The following KIRREL3 variants were observed in gnomAD, a reference collection of about 807,000 sequenced individuals.
The protein encoded by KIRREL3 is kin of IRRE-like protein 3.
A neutral mutation model predicts 89.7 loss-of-function variants in KIRREL3; 36 were observed. The observed-to-expected ratio is 0.40, with a 90% CI of 0.31 to 0.53. KIRREL3 has a LOEUF of 0.53. KIRREL3 is among the 20% of genes least tolerant of loss of function. KIRREL3 has a pLI of 0.49. For missense variants in KIRREL3, 864 were observed against 1,056.6 expected, an observed-to-expected ratio of 0.82 and a Z score of 2.53; for synonymous variants, 445 against 441.4, an observed-to-expected ratio of 1.01 and a Z score of -0.10.
chr11:126,591,266 G>A (rs937593087), intron 1 of KIRREL3, among the ~76,000 whole-genome samples: 8 of 152,158 alleles, frequency 5.3e-5, no homozygotes, highest in Non-Finnish European at 1.2e-4. Context: ...TTCAAATGCT[G>A]TATTAAGATG....
At chr11:126,829,138 C>A (rs146655151) in intron 1 of KIRREL3, among the ~76,000 whole-genome samples, 1 of 152,112 alleles carries the variant, frequency 6.6e-6, no homozygotes, top group Admixed American at 6.5e-5. Context: ...ATGGTGCTGG[C>A]GAAGGCTCCA....
rs530391569 is a variant in KIRREL3, at chr11:126,974,983, G to A, written c.55+25472C>T. Among the ~76,000 whole-genome samples the A allele has an allele frequency of 2.0e-4, 30 of 152,204 alleles. 1 individual carries two copies. In the South Asian group the frequency reaches 6.0e-3, roughly 31 times the overall value. On this transcript the variant is annotated intron_variant, in intron 1 of 16. Coordinates refer to ENST00000525144, the MANE Select transcript of KIRREL3 (RefSeq NM_032531.4). ...GGCTGGAGTGCAGTGGCTAATTTTT[G>A]TATTTTTTGTAGAGGTGGGGTTTCA...
chr11:126,451,021 C>A (rs761100998), intron 7 of KIRREL3, among the ~76,000 whole-genome samples: 66 of 122,474 alleles, frequency 5.4e-4, no homozygotes, highest in African/African-American at 2.0e-3. Context: ...GTGCATGTGT[C>A]CATGTGCATG....
Position 126,857,323 on chromosome 11 carries a change from C to T in KIRREL3, c.55+143132G>A, listed in dbSNP as rs180784424. ...CTTGGGCCAGCCCAGGTGCTTCACC[C>T]TCCTGCCTGCCCCAACTTGCAGAGA... On this transcript the variant is annotated intron_variant, in intron 1 of 16. Transcript: ENST00000525144. Among the ~76,000 whole-genome samples, 146 of 152,374 alleles carry T rather than the reference C, an allele frequency of 9.6e-4. 2 individuals are homozygous for T. The highest frequency in any genetic ancestry group is 3.2e-3 in the African/African-American group (134 of 41,584).
chr11:126,596,761 G>A (rs962966128), intron 1 of KIRREL3, among the ~76,000 whole-genome samples: 2 of 152,192 alleles, frequency 1.3e-5, no homozygotes, highest in Non-Finnish European at 2.9e-5. Flanking sequence ...TCTTCTTCCA[G>A]GAAGGGGGAA....
In KIRREL3 at chr11:127,000,612, C is replaced by A. The variant is rs370890250; in HGVS notation, c.-103G>T. ...CAGCCTCCGCCGGTCCTCTCGGGTT[C>A]GCGCCTACCATCTGTCCGTCCGTGG... On this transcript the variant is annotated 5_prime_UTR_variant, in exon 1 of 17. Coordinates refer to ENST00000525144, the MANE Select transcript of KIRREL3 (RefSeq NM_032531.4). This position sits in a 1 kb window ranked among gnomAD's most constrained non-coding sequence, Gnocchi z 7.1. The A allele has an allele frequency of 8.1e-7, 1 of 1,233,592 alleles. No individual in the cohort carries two copies. The highest frequency in any genetic ancestry group is 2.1e-4 in the Middle Eastern group (1 of 4,800). The allele number at this position is 1,233,592 out of a possible 1,614,324, so 76.4% of individuals were successfully genotyped here.
At chr11:126,665,403 T>C (rs542193569) in intron 1 of KIRREL3, among the ~76,000 whole-genome samples, 18 of 152,130 alleles carry the variant, frequency 1.2e-4, no homozygotes, top group Non-Finnish European at 1.6e-4. Context: ...GAACATGCTG[T>C]CATGGTCTGA....
At chr11:126,854,761 A>G (rs950638619) in intron 1 of KIRREL3, among the ~76,000 whole-genome samples, 4 of 152,146 alleles carry the variant, frequency 2.6e-5, no homozygotes, top group African/African-American at 4.8e-5. Context: ...TCTGGTTCAT[A>G]TGGTAATTCT....
At chr11:126,786,003 A>G (rs1950477267) in intron 1 of KIRREL3, among the ~76,000 whole-genome samples, 1 of 150,894 alleles carries the variant, frequency 6.6e-6, no homozygotes, top group Non-Finnish European at 1.5e-5. Flanking sequence ...GCAGTAAGTG[A>G]TGTCACTTTT....
At chr11:126,572,572 A>ACCC (rs56397539) in intron 1 of KIRREL3, among the ~76,000 whole-genome samples, 7 of 139,842 alleles carry the variant, frequency 5.0e-5, no homozygotes, top group African/African-American at 1.9e-4. Context: ...GGAAGAGGGG[A>ACCC]CCCCCCCCCC....
chr11:126,857,722 C>T (rs547166280), intron 1 of KIRREL3, among the ~76,000 whole-genome samples: 2 of 142,828 alleles, frequency 1.4e-5, no homozygotes, highest in Admixed American at 1.5e-4. Flanking sequence ...ATCACAGACC[C>T]TTCCTTGCCT....
rs191007555 is a variant in KIRREL3 at position 126,489,391 on chromosome 11, G to A, written c.434-15925C>T. 2.0e-5 allele frequency among the ~76,000 whole-genome samples: 3 copies of A among 152,314 alleles called. No homozygotes were observed. The East Asian group carries it at 5.8e-4, about 29-fold the overall frequency. On this transcript the variant is annotated intron_variant, in intron 4 of 16. Coordinates refer to ENST00000525144, the MANE Select transcript of KIRREL3 (RefSeq NM_032531.4). The surrounding 1 kb of genome is among the most constrained non-coding windows in gnomAD (Gnocchi z 5.5). ...AAGAAGAGACGCCTGCATCAGGTGG[G>A]AGTTAGGTGGGGAAAACAAAGCTTC...
At chr11:126,487,930 G>A (rs181370695) in intron 4 of KIRREL3, among the ~76,000 whole-genome samples, 182 of 152,362 alleles carry the variant, frequency 1.2e-3, no homozygotes, top group African/African-American at 4.1e-3. Flanking sequence ...TGGTAGCACC[G>A]CAGCTTCCAC....
chr11:126,610,249 C>T lies in KIRREL3; in HGVS notation c.56-47337G>A, dbSNP rs780744274. 5.3e-5 allele frequency among the ~76,000 whole-genome samples: 8 copies of T among 152,100 alleles called. No homozygotes were observed. Among genetic ancestry groups the T allele is most frequent in the Non-Finnish European group, 7.4e-5 (5 of 68,018 alleles). Reference sequence around the variant, plus strand: ...GGGATTACAGGCATGCACCACCACGCCTGGCTAATTTTTGTATTTTTAATA... The same window carrying T: ...GGGATTACAGGCATGCACCACCACGTCTGGCTAATTTTTGTATTTTTAATA... On this transcript the variant is annotated intron_variant, in intron 1 of 16. Coordinates refer to ENST00000525144, the MANE Select transcript of KIRREL3 (RefSeq NM_032531.4). The surrounding 1 kb of genome is among the most constrained non-coding windows in gnomAD (Gnocchi z 4.6).
chr11:126,840,170 T>C (rs530066099), intron 1 of KIRREL3, among the ~76,000 whole-genome samples: 9 of 152,358 alleles, frequency 5.9e-5, no homozygotes, highest in African/African-American at 2.2e-4. Flanking sequence ...CACAGAGTTA[T>C]TATTTTGATC....
chr11:126,922,953 C>T (rs1236305150), intron 1 of KIRREL3, among the ~76,000 whole-genome samples: 1 of 152,216 alleles, frequency 6.6e-6, no homozygotes, highest in Non-Finnish European at 1.5e-5. Flanking sequence ...GTCCCTGTGA[C>T]CACCAGGCAG....
chr11:126,692,825 T>C (rs1448842820), intron 1 of KIRREL3, among the ~76,000 whole-genome samples: 1 of 152,160 alleles, frequency 6.6e-6, no homozygotes, highest in African/African-American at 2.4e-5. Context: ...GGATGTTGAT[T>C]ACTAGGGACA....
chr11:126,430,296 A>G lies in KIRREL3; in HGVS notation c.1697-1008T>C, dbSNP rs930549987. Among the ~76,000 whole-genome samples, 1 of 152,078 alleles carries G rather than the reference A, an allele frequency of 6.6e-6. No homozygotes were observed. The highest frequency in any genetic ancestry group is 2.4e-5 in the African/African-American group (1 of 41,434). ...CCTGTCTCTGCAAAAAATTAAAAAA[A>G]TAGCAAGGCATGATGGCACACGCCT... On this transcript the variant is annotated intron_variant, in intron 14 of 16. Coordinates refer to ENST00000525144, the MANE Select transcript of KIRREL3 (RefSeq NM_032531.4). The surrounding 1 kb of genome is among the most constrained non-coding windows in gnomAD (Gnocchi z 6.6).
intron 1 of KIRREL3, among the ~76,000 whole-genome samples, chr11:126,586,294 C>T (rs1371814491): frequency 6.6e-6 from 1 of 152,154 alleles, no homozygotes; most frequent in Non-Finnish European, 1.5e-5. Flanking sequence ...CATTGTTTAG[C>T]GCTGCCGTTT....
Sources: gnomAD v4.1 joint callset for allele counts (sites outside exome capture counted in the v4.1 genomes callset) on GRCh38, gnomAD v4.1.1 for gene constraint, Gnocchi (gnomAD v3.1) non-coding constraint, MANE v1.5 for transcripts, NCBI Gene and HGNC (gene_info 2026-07-23, HGNC 2026-07-21) for gene names.